CA8: variants seen among roughly 807,000 people sequenced by gnomAD.
The protein encoded by CA8 is carbonic anhydrase-related protein.
Under a neutral mutation model 41.4 loss-of-function variants are expected in CA8, and 22 were observed. That is an observed-to-expected ratio of 0.53 (90% CI 0.38 to 0.76). CA8 has a LOEUF of 0.76. CA8 is among the 30% of genes least tolerant of loss of function. The probability of loss-of-function intolerance (pLI) is 0.00; values close to 1 mark genes in which losing one functional copy is unlikely to be tolerated. For synonymous variants in CA8, 121 were observed against 130.6 expected (o/e 0.93, Z 0.50); for missense variants, 270 against 352.8 (o/e 0.77, Z 1.88).
intron 3 of CA8, among the ~76,000 whole-genome samples, chr8:60,236,687 T>G (rs1307745587): frequency 1.3e-5 from 2 of 152,220 alleles, no homozygotes; most frequent in Non-Finnish European, 2.9e-5. Flanking sequence ...CATTAAAACT[T>G]CTACTTATAT....
chr8:60,280,743 AG>A (rs970893645), intron 1 of CA8, among the ~76,000 whole-genome samples: 7 of 152,390 alleles, frequency 4.6e-5, no homozygotes, highest in African/African-American at 1.7e-4. Context: ...AAGACATAAA[AG>A]GTACAGCCAC....
At chr8:60,280,292 T>C (rs905155979) in intron 1 of CA8, among the ~76,000 whole-genome samples, 2 of 152,236 alleles carry the variant, frequency 1.3e-5, no homozygotes, top group African/African-American at 2.4e-5. Flanking sequence ...ACTCTCATGC[T>C]AGTAAATAGA....
At chr8:60,228,534 C>T (rs1232829655) in intron 4 of CA8, among the ~76,000 whole-genome samples, 1 of 152,190 alleles carries the variant, frequency 6.6e-6, no homozygotes, top group African/African-American at 2.4e-5. Flanking sequence ...GGAACAGGCT[C>T]ACTTTGCACT....
In CA8 at chr8:60,185,547, CA is replaced by C. The variant is rs557779836; in HGVS notation, c.*4473del. On this transcript the variant is annotated 3_prime_UTR_variant, in exon 9 of 9. Transcript: ENST00000317995. The stretch of plus-strand genomic sequence containing the variant: ...ATACATCATAGTACGAAATCTGGGG[CA>C]GGGGGGAAACCATTTGTTTTTGAAA... 9.3e-4 allele frequency among the ~76,000 whole-genome samples: 141 copies of C among 152,104 alleles called. No homozygotes were observed. The highest frequency in any genetic ancestry group is 3.1e-3 in the African/African-American group (128 of 41,514).
At chr8:60,265,738 C>CGAGAGTA (rs1168427873) in intron 3 of CA8, 187 bp downstream of exon 3, 2 of 631,746 alleles carry the variant, frequency 3.2e-6, no homozygotes, top group Admixed American at 2.7e-5. Context: ...CGCCAAGCCA[C>CGAGAGTA]GAGAGTAGAC....
At chr8:60,213,405 C>T (rs1291011643) in intron 7 of CA8, among the ~76,000 whole-genome samples, 1 of 152,180 alleles carries the variant, frequency 6.6e-6, no homozygotes, top group Non-Finnish European at 1.5e-5. Flanking sequence ...GAAAGTGCTG[C>T]CTATCACTTA....
chr8:60,258,852 G>C (rs957996833), intron 3 of CA8, among the ~76,000 whole-genome samples: 2 of 152,190 alleles, frequency 1.3e-5, no homozygotes, highest in East Asian at 3.9e-4. Flanking sequence ...GACTCAGGAG[G>C]TAATGCTCAC....
intron 7 of CA8, among the ~76,000 whole-genome samples, chr8:60,210,213 A>G (rs1036130003): frequency 2.0e-5 from 3 of 152,140 alleles, no homozygotes; most frequent in Admixed American, 6.5e-5. Flanking sequence ...AATATAATCT[A>G]TCTCCTTCAC....
intron 4 of CA8, 126 bp from the exon 5 acceptor site, chr8:60,227,061 T>C (rs1807466474): frequency 1.4e-6 from 1 of 727,158 alleles, no homozygotes; most frequent in Non-Finnish European, 2.5e-6. Context: ...GGAGGCCGAG[T>C]TGGGTGGATC....
chr8:60,204,832 G>C (rs1283601860), intron 8 of CA8, among the ~76,000 whole-genome samples: 1 of 152,142 alleles, frequency 6.6e-6, no homozygotes, highest in Non-Finnish European at 1.5e-5. Context: ...ATTTAATCTG[G>C]AAGGATAATA....
intron 2 of CA8, among the ~76,000 whole-genome samples, chr8:60,278,943 T>C (rs1311068498): frequency 2.0e-5 from 3 of 152,210 alleles, no homozygotes. Flanking sequence ...TATTATTCAC[T>C]ATGAAATGCA....
intron 3 of CA8, among the ~76,000 whole-genome samples, chr8:60,251,457 A>G (rs866886791): frequency 6.6e-6 from 1 of 152,212 alleles, no homozygotes; most frequent in Admixed American, 6.5e-5. Context: ...CCACTCACGC[A>G]TTCAGCGTGA....
chr8:60,220,332 C>T (rs536516124), intron 7 of CA8, among the ~76,000 whole-genome samples: 1 of 151,994 alleles, frequency 6.6e-6, no homozygotes, highest in Non-Finnish European at 1.5e-5. Flanking sequence ...GAGGAGGATA[C>T]TAAAACCAGA....
intron 2 of CA8, among the ~76,000 whole-genome samples, chr8:60,273,767 C>T (rs1171953762): frequency 6.6e-6 from 1 of 152,182 alleles, no homozygotes; most frequent in Non-Finnish European, 1.5e-5. Flanking sequence ...TATAAAAATG[C>T]CCATTGGATT....
At position 60,205,785 on chromosome 8, in the gene CA8, T is replaced by C. The variant is rs193089750; in HGVS notation, c.*35+2965A>G. Among the ~76,000 whole-genome samples, 34 of 152,296 alleles carry C rather than the reference T, an allele frequency of 2.2e-4. No homozygotes were observed. The East Asian group carries it at 5.6e-3, about 25-fold the overall frequency. On this transcript the variant is annotated intron_variant, in intron 8 of 8. Transcript: ENST00000317995. ...TTTTTTAAAAATCTGTCATTTTAAG[T>C]CTAAAACTAAAGTTATTTCAGTAAA...
rs146442735 is a variant in CA8 at position 60,248,803 on chromosome 8, T to G, written c.418-16424A>C. Among the ~76,000 whole-genome samples, 4 of 152,274 alleles carry G rather than the reference T, an allele frequency of 2.6e-5. No individual in the cohort carries two copies. In the East Asian group the frequency reaches 7.7e-4, roughly 29 times the overall value. On this transcript the variant is annotated intron_variant, in intron 3 of 8. Transcript: ENST00000317995. The stretch of plus-strand genomic sequence containing the variant: ...TTCTGTGAAGAATGTCAATGGTAGT[T>G]TAATGGGAATAGCATTATATATATA...
At chr8:60,251,905 T>C (rs1256087057) in intron 3 of CA8, among the ~76,000 whole-genome samples, 1 of 152,232 alleles carries the variant, frequency 6.6e-6, no homozygotes, top group African/African-American at 2.4e-5. Flanking sequence ...GCTCCCTTCA[T>C]ATCAGTAATG....
At chr8:60,255,620 T>A (rs934492145) in intron 3 of CA8, among the ~76,000 whole-genome samples, 1 of 152,164 alleles carries the variant, frequency 6.6e-6, no homozygotes, top group Non-Finnish European at 1.5e-5. Context: ...CATTAATTGA[T>A]GAAAAAGGGT....
intron 2 of CA8, among the ~76,000 whole-genome samples, chr8:60,268,084 C>A (rs1803957006): frequency 6.6e-6 from 1 of 152,168 alleles, no homozygotes; most frequent in African/African-American, 2.4e-5. Context: ...AGAAAATACA[C>A]CCCTTGCCAC....
Sources: gnomAD v4.1 joint callset for allele counts (sites outside exome capture counted in the v4.1 genomes callset) on GRCh38, gnomAD v4.1.1 for gene constraint, MANE v1.5 for transcripts, NCBI Gene and HGNC (gene_info 2026-07-23, HGNC 2026-07-21) for gene names.